Variants in CSMD2 observed in about 807,000 individuals in gnomAD.
The protein encoded by CSMD2 is CUB and sushi domain-containing protein 2.
Under a neutral mutation model 398.5 loss-of-function variants are expected in CSMD2, and 130 were observed. The ratio of observed to expected loss-of-function variants is 0.33; its 90% CI spans 0.28 to 0.38. CSMD2 has a LOEUF of 0.38. CSMD2 is among the 10% of genes least tolerant of loss of function. CSMD2 has a pLI of 1.00. For synonymous variants in CSMD2, 1,828 were observed against 1,908.5 expected, an observed-to-expected ratio of 0.96 and a Z score of 1.10; for missense variants, 3,829 against 4,764.9, an observed-to-expected ratio of 0.80 and a Z score of 5.78.
At chr1:34,106,650 G>C (rs1051421105) in intron 1 of CSMD2, among the ~76,000 whole-genome samples, 1 of 152,126 alleles carries the variant, frequency 6.6e-6, no homozygotes, top group African/African-American at 2.4e-5. Flanking sequence ...GGGATTTATT[G>C]AAAAGAGCTT....
At chr1:33,693,395 T>A (rs1351566533) in intron 24 of CSMD2, among the ~76,000 whole-genome samples, 10 of 152,152 alleles carry the variant, frequency 6.6e-5, no homozygotes, top group Admixed American at 5.9e-4. Flanking sequence ...AAACTCACAA[T>A]GAGATATCAC....
intron 3 of CSMD2, among the ~76,000 whole-genome samples, chr1:33,996,300 T>TG (rs1646725112): frequency 2.0e-5 from 3 of 152,172 alleles, no homozygotes. Context: ...CGGAGAGGGA[T>TG]GAAAAAGTGT....
intron 57 of CSMD2, among the ~76,000 whole-genome samples, chr1:33,545,418 T>C (rs868270365): frequency 6.6e-6 from 1 of 152,230 alleles, no homozygotes; most frequent in Non-Finnish European, 1.5e-5. Flanking sequence ...TTTTGGCACA[T>C]TGAATATTTG....
chr1:33,567,701 G>T lies in CSMD2; in HGVS notation c.8272C>A (p.Arg2758=). 1.2e-6 allele frequency: 2 copies of T among 1,614,106 alleles called. No individual in the cohort carries two copies. Among genetic ancestry groups the T allele is most frequent in the Non-Finnish European group, 1.7e-6 (2 of 1,180,016 alleles). ...GHINGENYSY[R]GSVVYQCNAG... is the part of the protein sequence containing the mutation. ...TTGCATTGGTACACCACACTGCCCC[G>T]GTAGCTGTAGTTCTCCCCATTGATG... Residue 2758 remains arginine (R), a synonymous_variant, in exon 53 of 71, where the codon CGG becomes AGG. Transcript: ENST00000373381.
intron 7 of CSMD2, among the ~76,000 whole-genome samples, chr1:33,825,173 G>A (rs1224072615): frequency 3.3e-5 from 5 of 150,584 alleles, no homozygotes; most frequent in African/African-American, 4.9e-5. Context: ...CCTCCCCATT[G>A]ACCCGAGGCA....
intron 5 of CSMD2, among the ~76,000 whole-genome samples, chr1:33,848,464 C>T (rs1212014038): frequency 6.6e-6 from 1 of 152,146 alleles, no homozygotes; most frequent in Non-Finnish European, 1.5e-5. Flanking sequence ...AGCCAGAGAG[C>T]AAGAGAGCAT....
intron 3 of CSMD2, among the ~76,000 whole-genome samples, chr1:33,942,885 A>C (rs974294046): frequency 6.6e-6 from 1 of 152,174 alleles, no homozygotes; most frequent in East Asian, 1.9e-4. Context: ...CATAAACCAC[A>C]CTAGCCCTAT....
chr1:33,728,897 T>C (rs971786688), intron 15 of CSMD2, among the ~76,000 whole-genome samples: 10 of 152,230 alleles, frequency 6.6e-5, no homozygotes, highest in African/African-American at 2.4e-4. Flanking sequence ...ATTGTGTATG[T>C]GTATTGTCAC....
chr1:33,586,992 G>T, intron 45 of CSMD2, 96 bp downstream of exon 45: 2 of 875,278 alleles, frequency 2.3e-6, no homozygotes, highest in Non-Finnish European at 1.8e-6. Context: ...GACAGGAGCA[G>T]GGGATAAGGT....
chr1:33,526,662 T>C (rs1654802339), intron 65 of CSMD2, among the ~76,000 whole-genome samples: 1 of 152,156 alleles, frequency 6.6e-6, no homozygotes, highest in South Asian at 2.1e-4. Context: ...TCAAATTGAG[T>C]TTCTGATGCC....
At chr1:34,045,635 A>G (rs1314568318) in intron 2 of CSMD2, among the ~76,000 whole-genome samples, 3 of 152,178 alleles carry the variant, frequency 2.0e-5, no homozygotes, top group Non-Finnish European at 4.4e-5. Flanking sequence ...CCAAATCCCC[A>G]TATACAGTAC....
intron 70 of CSMD2, among the ~76,000 whole-genome samples, chr1:33,517,965 C>T (rs1190112408): frequency 6.6e-6 from 1 of 152,242 alleles, no homozygotes; most frequent in Non-Finnish European, 1.5e-5. Context: ...CCTGTTTCCT[C>T]GCTGCACTGC....
chr1:34,058,117 A>G (rs1558313444), intron 2 of CSMD2, among the ~76,000 whole-genome samples: 1 of 152,192 alleles, frequency 6.6e-6, no homozygotes, highest in African/African-American at 2.4e-5. Context: ...CCATTTGCCA[A>G]GGATGGCTTG....
chr1:33,862,923 G>A (rs1570311236), intron 5 of CSMD2: 1 of 152,150 alleles, frequency 6.6e-6, no homozygotes, highest in South Asian at 2.1e-4. Flanking sequence ...TCAAAATATG[G>A]TCTAGTCTTA....
intron 3 of CSMD2, among the ~76,000 whole-genome samples, chr1:33,980,883 G>A (rs1293583512): frequency 6.6e-6 from 1 of 152,192 alleles, no homozygotes. Context: ...GATGGGGTGG[G>A]GAACTTCCAG....
chr1:34,156,748 T>G (rs4652992), intron 1 of CSMD2, among the ~76,000 whole-genome samples: 12,213 of 152,260 alleles, frequency 0.08, 602 homozygotes, highest in East Asian at 0.27. Context: ...TTTGGTGCTC[T>G]CAGTAATTTA....
chr1:34,013,617 A>T (rs1315871793), intron 3 of CSMD2, among the ~76,000 whole-genome samples: 2 of 151,936 alleles, frequency 1.3e-5, no homozygotes, highest in Non-Finnish European at 2.9e-5. Context: ...CCCTTCTTAG[A>T]CCTCTGGAAG....
rs77393068 is a variant in CSMD2 at position 33,724,584 on chromosome 1, A to G, written c.2816T>C (p.Leu939Ser). Reference sequence around the variant, plus strand: ...ACACTCCAGAGGCTCCCCGTCACTTAATGTGTAGCCCGAGTCACAGCTGAA... The same window carrying G: ...ACACTCCAGAGGCTCCCCGTCACTTGATGTGTAGCCCGAGTCACAGCTGAA... ...VTFSCDSGYT[L>S]SDGEPLECEP... Residue 939 changes from leucine to serine, a missense_variant, in exon 18 of 71, where the codon TTA becomes TCA. Physicochemically the swap from Leu to Ser is moderately radical, Grantham distance 145. Coordinates refer to ENST00000373381, the MANE Select transcript of CSMD2 (RefSeq NM_001281956.2). The G allele has an allele frequency of 1.9e-4, 300 of 1,614,170 alleles. 1 individual carries two copies. In the East Asian group the frequency reaches 5.8e-3, roughly 31 times the overall value.
At chr1:33,877,289 G>A (rs1261147314) in intron 5 of CSMD2, among the ~76,000 whole-genome samples, 1 of 152,216 alleles carries the variant, frequency 6.6e-6, no homozygotes, top group African/African-American at 2.4e-5. Context: ...CTGGGAAAAT[G>A]AGAGGTCAGG....
Sources: gnomAD v4.1 joint callset for allele counts (sites outside exome capture counted in the v4.1 genomes callset) on GRCh38, gnomAD v4.1.1 for gene constraint, MANE v1.5 for transcripts, NCBI Gene and HGNC (gene_info 2026-07-23, HGNC 2026-07-21) for gene names.